CTNNA3: variants seen among roughly 807,000 people sequenced by gnomAD.
CTNNA3 encodes catenin alpha 3, also known as catenin alpha-3.
In CTNNA3, 76 loss-of-function variants were observed where a neutral mutation model predicts 95.7. That is an observed-to-expected ratio of 0.79 (90% confidence interval 0.66 to 0.96). The LOEUF (loss-of-function observed/expected upper bound fraction) is 0.96, where lower values mean the gene tolerates loss of function less well. CTNNA3 is among the 40% of genes least tolerant of loss of function. The pLI, the probability that CTNNA3 is intolerant of heterozygous loss-of-function variation, is 0.00. For synonymous variants in CTNNA3, 431 were observed against 374.4 expected, an observed-to-expected ratio of 1.15 and a Z score of -1.74; for missense variants, 1,191 against 1,089.8, an observed-to-expected ratio of 1.09 and a Z score of -1.31.
chr10:66,983,743 T>G (rs1395848456), intron 7 of CTNNA3, among the ~76,000 whole-genome samples: 2 of 152,186 alleles, frequency 1.3e-5, no homozygotes, highest in Non-Finnish European at 2.9e-5. Flanking sequence ...ATGATACAGT[T>G]TTTAGGAAAA....
intron 5 of CTNNA3, among the ~76,000 whole-genome samples, chr10:67,492,810 A>C (rs904448879): frequency 6.6e-6 from 1 of 152,230 alleles, no homozygotes; most frequent in Non-Finnish European, 1.5e-5. Context: ...CTATACTGAT[A>C]CTTACATCCA....
At chr10:66,476,057 T>C (rs1350472334) in intron 11 of CTNNA3, among the ~76,000 whole-genome samples, 1 of 152,080 alleles carries the variant, frequency 6.6e-6, no homozygotes, top group Non-Finnish European at 1.5e-5. Flanking sequence ...CTAACATCCT[T>C]TGCTGGGACA....
intron 5 of CTNNA3, among the ~76,000 whole-genome samples, chr10:67,507,294 C>T (rs979370686): frequency 2.0e-5 from 3 of 152,108 alleles, no homozygotes; most frequent in Non-Finnish European, 2.9e-5. Flanking sequence ...CTTTGGGAGG[C>T]CGAGGCAGGT....
intron 14 of CTNNA3, among the ~76,000 whole-genome samples, chr10:66,095,792 G>A (rs2081367009): frequency 6.6e-6 from 1 of 152,030 alleles, no homozygotes. Context: ...GTTGTGTCCA[G>A]TAACCTAGGC....
intron 7 of CTNNA3, among the ~76,000 whole-genome samples, chr10:66,823,064 C>G (rs1842357995): frequency 6.6e-6 from 1 of 152,178 alleles, no homozygotes; most frequent in African/African-American, 2.4e-5. Context: ...GGCAGGGGGC[C>G]TGCAACAATT....
rs117127149 is a variant in CTNNA3 at position 67,043,831 on chromosome 10, G to A, written c.1047+136486C>T. On this transcript the variant is annotated intron_variant, in intron 7 of 17. Transcript: ENST00000433211. ...GCACAGGATAATTATGATACAGTGA[G>A]GACTACTTTTTTTTCTGTTTACTTC... Among the ~76,000 whole-genome samples the A allele has an allele frequency of 3.9e-5, 6 of 152,000 alleles. No homozygotes were observed. The East Asian group carries it at 1.2e-3, about 29-fold the overall frequency.
intron 15 of CTNNA3, among the ~76,000 whole-genome samples, chr10:66,057,022 C>A (rs1169098192): frequency 6.6e-6 from 1 of 152,208 alleles, no homozygotes; most frequent in Non-Finnish European, 1.5e-5. Context: ...ATATACCCCT[C>A]AAACCCATCT....
chr10:66,662,388 G>T (rs1309232280), intron 9 of CTNNA3, among the ~76,000 whole-genome samples: 4 of 152,074 alleles, frequency 2.6e-5, no homozygotes, highest in South Asian at 4.1e-4. Context: ...ACTACATTTT[G>T]CTGGAACTTC....
chr10:66,834,889 A>G (rs771137645), intron 7 of CTNNA3, among the ~76,000 whole-genome samples: 2 of 152,206 alleles, frequency 1.3e-5, no homozygotes, highest in African/African-American at 2.4e-5. Context: ...CAGGTGCATT[A>G]AGTTATCCTA....
chr10:66,938,321 A>G (rs1374511176), intron 7 of CTNNA3, among the ~76,000 whole-genome samples: 1 of 152,074 alleles, frequency 6.6e-6, no homozygotes, highest in Admixed American at 6.6e-5. Context: ...ATAATATTTT[A>G]CTCCCCCAGA....
chr10:66,687,275 AAGATAT>A, intron 9 of CTNNA3, among the ~76,000 whole-genome samples: 1 of 152,236 alleles, frequency 6.6e-6, no homozygotes, highest in East Asian at 1.9e-4. Flanking sequence ...GGAAACACTC[AAGATAT>A]ATATGTTGTC....
intron 5 of CTNNA3, among the ~76,000 whole-genome samples, chr10:67,320,498 C>A (rs1392905526): frequency 2.6e-5 from 4 of 152,102 alleles, no homozygotes; most frequent in African/African-American, 9.7e-5. Context: ...TTTCTGGTAG[C>A]AAGAAATATT....
intron 1 of CTNNA3, among the ~76,000 whole-genome samples, chr10:67,673,134 A>G (rs1450627431): frequency 2.0e-5 from 3 of 151,884 alleles, no homozygotes; most frequent in Non-Finnish European, 4.4e-5. Context: ...TGTGAATGGT[A>G]GTTCACTCAT....
intron 4 of CTNNA3, among the ~76,000 whole-genome samples, chr10:67,538,124 C>T (rs916322195): frequency 9.2e-6 from 1 of 108,960 alleles, no homozygotes; most frequent in African/African-American, 3.7e-5. Flanking sequence ...TTGGTGATGA[C>T]AGCAATTCCC....
chr10:66,265,606 G>T (rs774963772), intron 13 of CTNNA3, among the ~76,000 whole-genome samples: 32 of 151,816 alleles, frequency 2.1e-4, no homozygotes, highest in Non-Finnish European at 2.9e-4. Context: ...TGTTCTTTAG[G>T]TATAACAAGC....
At chr10:66,722,441 T>G (rs12773511) in intron 9 of CTNNA3, among the ~76,000 whole-genome samples, 3,608 of 151,824 alleles carry the variant, frequency 0.024, 177 homozygotes, top group East Asian at 0.22. Context: ...GGTGCTAGCT[T>G]CCCAGGCAAT....
At chr10:66,597,732 T>A (rs1030947775) in intron 10 of CTNNA3, among the ~76,000 whole-genome samples, 1 of 151,074 alleles carries the variant, frequency 6.6e-6, no homozygotes, top group Non-Finnish European at 1.5e-5. Context: ...CTCCAGGTAC[T>A]GAAAGACAAA....
intron 9 of CTNNA3, among the ~76,000 whole-genome samples, chr10:66,656,820 TTTG>T (rs375348309): frequency 1.1e-4 from 16 of 152,066 alleles, no homozygotes; most frequent in African/African-American, 3.9e-4. Flanking sequence ...GAGAGTGCTT[TTTG>T]TTGTTGTTTT....
chr10:66,018,475 C>T (rs912313007), intron 15 of CTNNA3, among the ~76,000 whole-genome samples: 3 of 152,060 alleles, frequency 2.0e-5, no homozygotes, highest in African/African-American at 7.2e-5. Flanking sequence ...AGATAAACAT[C>T]CAGATGGTTT....
Sources: gnomAD v4.1 joint callset for allele counts (sites outside exome capture counted in the v4.1 genomes callset) on GRCh38, gnomAD v4.1.1 for gene constraint, MANE v1.5 for transcripts, NCBI Gene and HGNC (gene_info 2026-07-23, HGNC 2026-07-21) for gene names.